NKAIN3: variants seen among roughly 807,000 people sequenced by gnomAD.
NKAIN3 encodes sodium/potassium-transporting ATPase subunit beta-1-interacting protein 3.
In NKAIN3, 25 loss-of-function variants were observed where a neutral mutation model predicts 30.2. The ratio of observed to expected loss-of-function variants is 0.83; its 90% CI spans 0.60 to 1.16. The LOEUF is 1.16. Among genes scored for constraint, NKAIN3 ranks in the 50% most tolerant of loss-of-function variants. NKAIN3 has a pLI of 0.00. For missense variants in NKAIN3, 225 were observed against 254.1 expected (o/e 0.89, Z 0.78); for synonymous variants, 91 against 89.6 (o/e 1.02, Z -0.09).
intron 4 of NKAIN3, among the ~76,000 whole-genome samples, chr8:62,880,084 CA>C (rs907398738): frequency 6.6e-5 from 10 of 152,138 alleles, no homozygotes; most frequent in African/African-American, 2.4e-4. Context: ...TACCACATGC[CA>C]GACATTAACC....
At position 62,364,828 on chromosome 8, in the gene NKAIN3, CAAAAAA is replaced by C. The variant is rs58784999; in HGVS notation, c.54+115719_54+115724del. 1.3e-3 allele frequency among the ~76,000 whole-genome samples: 86 copies of C among 63,766 alleles called. 1 individual carries two copies. Among genetic ancestry groups the C allele is most frequent in the African/African-American group, 4.9e-3 (72 of 14,640 alleles). 41.8% of individuals were successfully genotyped at this position (63,766 alleles called of 152,430 possible). On this transcript the variant is annotated intron_variant, in intron 1 of 6. Coordinates refer to ENST00000623646, the MANE Select transcript of NKAIN3 (RefSeq NM_001304533.3). ...TGTGTGACAGAGCGAGACTCCACTA[CAAAAAA>C]AAAAAAAAAAAAAAAAATCATCTAT...
rs558270991 is a variant in NKAIN3 at position 62,385,311 on chromosome 8, C to T, written c.54+136184C>T. 6.6e-5 allele frequency among the ~76,000 whole-genome samples: 10 copies of T among 152,274 alleles called. No homozygotes were observed. The South Asian group carries it at 1.9e-3, about 28-fold the overall frequency. ...TAACCCTGGAGGGTACAACTCAACT[C>T]CATCACAGATGAAGATTTGGAAGCC... On this transcript the variant is annotated intron_variant, in intron 1 of 6. Coordinates refer to ENST00000623646, the MANE Select transcript of NKAIN3 (RefSeq NM_001304533.3).
chr8:62,412,317 C>CAAA (rs71255335), intron 1 of NKAIN3, among the ~76,000 whole-genome samples: 126 of 150,062 alleles, frequency 8.4e-4, no homozygotes, highest in Middle Eastern at 3.4e-3. Flanking sequence ...AACAAACAAA[C>CAAA]AAAAAAAAAC....
intron 3 of NKAIN3, among the ~76,000 whole-genome samples, chr8:62,728,648 A>G (rs1815341766): frequency 6.8e-6 from 1 of 146,890 alleles, no homozygotes; most frequent in African/African-American, 2.5e-5. Flanking sequence ...CTGGGCGACA[A>G]GAACGAAACT....
chr8:62,265,737 T>G (rs1323810079), intron 1 of NKAIN3, among the ~76,000 whole-genome samples: 1 of 152,216 alleles, frequency 6.6e-6, no homozygotes, highest in African/African-American at 2.4e-5. Context: ...CACATTTTTA[T>G]ACAAAGATGT....
chr8:62,577,737 G>C lies in NKAIN3; in HGVS notation c.55-1802G>C, dbSNP rs1270562694. On this transcript the variant is annotated intron_variant, in intron 1 of 6. Transcript: ENST00000623646. ...AAAACACTGTGTTGCTTCTTATCTT[G>C]CTCTGATATTTTGCGTTTTAGCCAT... Among the ~76,000 whole-genome samples the C allele has an allele frequency of 3.3e-5, 5 of 151,474 alleles. No individual in the cohort carries two copies. In the South Asian group the frequency reaches 1.0e-3, roughly 31 times the overall value.
intron 4 of NKAIN3, among the ~76,000 whole-genome samples, chr8:62,858,214 G>A (rs559081003): frequency 6.6e-6 from 1 of 152,290 alleles, no homozygotes; most frequent in East Asian, 1.9e-4. Flanking sequence ...AAAGATGGCA[G>A]CCTGCCCCTT....
At chr8:62,988,252 G>A (rs1486372462), downstream of NKAIN3, among the ~76,000 whole-genome samples, 1 of 152,130 alleles carries the variant, frequency 6.6e-6, no homozygotes, top group African/African-American at 2.4e-5. Context: ...ATCTGTCAGT[G>A]GGTCTACCAT....
chr8:62,806,225 C>A (rs534696305), intron 4 of NKAIN3, among the ~76,000 whole-genome samples: 1 of 152,268 alleles, frequency 6.6e-6, no homozygotes, highest in East Asian at 1.9e-4. Flanking sequence ...ACTAGTTCAA[C>A]CATTGTGGAA....
intron 1 of NKAIN3, chr8:62,483,409 C>T: frequency 9.4e-6 from 2 of 213,262 alleles, no homozygotes; most frequent in East Asian, 2.3e-4. Flanking sequence ...GTAAACTCTT[C>T]AGCATTTCAT....
intron 2 of NKAIN3, among the ~76,000 whole-genome samples, chr8:62,584,344 A>G (rs1237751723): frequency 6.6e-6 from 1 of 152,220 alleles, no homozygotes; most frequent in African/African-American, 2.4e-5. Context: ...GAGACAATTT[A>G]ATAGACCTCT....
chr8:62,766,724 G>C (rs929534008), intron 4 of NKAIN3, among the ~76,000 whole-genome samples: 1 of 152,176 alleles, frequency 6.6e-6, no homozygotes, highest in African/African-American at 2.4e-5. Context: ...CCTCAATTTG[G>C]AGTGTGTACT....
chr8:62,905,929 T>G (rs1202020138), intron 4 of NKAIN3, among the ~76,000 whole-genome samples: 3 of 152,202 alleles, frequency 2.0e-5, no homozygotes, highest in Non-Finnish European at 4.4e-5. Flanking sequence ...TCTACATGTG[T>G]CATTGCTCTT....
At chr8:62,437,442 A>G (rs539960943) in intron 1 of NKAIN3, among the ~76,000 whole-genome samples, 1 of 152,226 alleles carries the variant, frequency 6.6e-6, no homozygotes, top group Non-Finnish European at 1.5e-5. Flanking sequence ...TCTTATTTAC[A>G]CAATGCCTCC....
intron 1 of NKAIN3, among the ~76,000 whole-genome samples, chr8:62,289,299 A>T (rs1813494357): frequency 6.6e-6 from 1 of 152,122 alleles, no homozygotes; most frequent in Admixed American, 6.5e-5. Flanking sequence ...TTGGTGTTTT[A>T]GTCATGAAGT....
chr8:62,707,486 G>A (rs1814570407), intron 3 of NKAIN3, among the ~76,000 whole-genome samples: 1 of 152,076 alleles, frequency 6.6e-6, no homozygotes, highest in Non-Finnish European at 1.5e-5. Context: ...TAGTGATGTT[G>A]AGCATTTTTT....
chr8:62,688,741 GACACACACAC>G (rs375008096), intron 3 of NKAIN3, among the ~76,000 whole-genome samples: 6 of 116,390 alleles, frequency 5.2e-5, no homozygotes, highest in African/African-American at 1.1e-4. Flanking sequence ...CAGACAGACA[GACACACACAC>G]ACACACACAC....
At chr8:62,378,127 G>A (rs1332373446) in intron 1 of NKAIN3, among the ~76,000 whole-genome samples, 3 of 152,202 alleles carry the variant, frequency 2.0e-5, no homozygotes, top group Non-Finnish European at 4.4e-5. Flanking sequence ...GGTGGTGTCA[G>A]TCGGAGGTGA....
In NKAIN3 at chr8:62,980,895, A is replaced by G. The variant is rs1824059639; in HGVS notation, c.*15488A>G. On this transcript the variant is annotated 3_prime_UTR_variant, in exon 7 of 7. Coordinates refer to ENST00000623646, the MANE Select transcript of NKAIN3 (RefSeq NM_001304533.3). ...GAATCAGTTGGTGTTAGAATTTTTAATAACACAGAGAAAGCCATTGAATAT... is the reference window on the plus strand; with the variant it reads ...GAATCAGTTGGTGTTAGAATTTTTAGTAACACAGAGAAAGCCATTGAATAT... 1 of 152,214 alleles carries G rather than the reference A, an allele frequency of 6.6e-6. No homozygotes were observed. Among genetic ancestry groups the G allele is most frequent in the Non-Finnish European group, 1.5e-5 (1 of 68,040 alleles). The allele number at this position is 152,214 out of a possible 1,614,324, so 9.4% of individuals were successfully genotyped here.
Sources: gnomAD v4.1 joint callset for allele counts (sites outside exome capture counted in the v4.1 genomes callset) on GRCh38, gnomAD v4.1.1 for gene constraint, MANE v1.5 for transcripts, NCBI Gene and HGNC (gene_info 2026-07-23, HGNC 2026-07-21) for gene names.